The following PDCD1LG2 variants were observed in gnomAD, a reference collection of about 807,000 sequenced individuals.
PDCD1LG2 encodes the protein programmed cell death 1 ligand 2.
A neutral mutation model predicts 28.2 loss-of-function variants in PDCD1LG2; 32 were observed. The ratio of observed to expected loss-of-function variants is 1.13; its 90% CI spans 0.86 to 1.52. PDCD1LG2 has a LOEUF of 1.52. Ranked by LOEUF, PDCD1LG2 falls within the 40% of genes most tolerant of loss-of-function variation. PDCD1LG2 has a pLI of 0.00. For missense variants in PDCD1LG2, 385 were observed against 323.8 expected, an observed-to-expected ratio of 1.19 and a Z score of -1.45; for synonymous variants, 116 against 120.2, an observed-to-expected ratio of 0.97 and a Z score of 0.23.
chr9:5,569,482 T>G lies in PDCD1LG2; in HGVS notation c.817-472T>G, dbSNP rs1816730355. ...AGGAATAGATACCCCAACCTCTCTC[T>G]CAACCCACTGCAACACTCTTTTTCC... On this transcript the variant is annotated intron_variant, in intron 6 of 6. Coordinates refer to ENST00000397747, the MANE Select transcript of PDCD1LG2 (RefSeq NM_025239.4). This position sits in a 1 kb window ranked among gnomAD's most constrained non-coding sequence, Gnocchi z 4.1. Among the ~76,000 whole-genome samples the G allele has an allele frequency of 6.6e-6, 1 of 152,146 alleles. No individual in the cohort carries two copies. Among genetic ancestry groups the G allele is most frequent in the South Asian group, 2.1e-4 (1 of 4,822 alleles).
chr9:5,553,703 C>A (rs140416694), intron 4 of PDCD1LG2, among the ~76,000 whole-genome samples: 52 of 152,328 alleles, frequency 3.4e-4, no homozygotes, highest in African/African-American at 1.1e-3. Context: ...AAATAGTCAA[C>A]AACCATGGGA....
intron 1 of PDCD1LG2, among the ~76,000 whole-genome samples, chr9:5,516,529 C>G (rs1423868088): frequency 6.6e-6 from 1 of 152,234 alleles, no homozygotes; most frequent in African/African-American, 2.4e-5. Context: ...TTGGGTTTCA[C>G]CAGGGACCTA....
Position 5,556,160 on chromosome 9 carries a change from G to A in PDCD1LG2, c.632-1458G>A, listed in dbSNP as rs117194186. On this transcript the variant is annotated intron_variant, in intron 4 of 6. Coordinates refer to ENST00000397747, the MANE Select transcript of PDCD1LG2 (RefSeq NM_025239.4). ...GTTCAACTTTGGAGTCTTCAGGGAT[G>A]AGTAGGGCTTCTGTACGTGGAAGAG... 2.8e-4 allele frequency among the ~76,000 whole-genome samples: 43 copies of A among 152,276 alleles called. 1 individual carries two copies. In the East Asian group the frequency reaches 7.7e-3, roughly 27 times the overall value.
At chr9:5,511,004 T>C (rs1482585766) in intron 1 of PDCD1LG2, among the ~76,000 whole-genome samples, 3 of 152,238 alleles carry the variant, frequency 2.0e-5, no homozygotes, top group Admixed American at 2.0e-4. Context: ...CCTATGCATA[T>C]TGTTCTTGTT....
chr9:5,526,929 T>C (rs1424242932), intron 2 of PDCD1LG2, among the ~76,000 whole-genome samples: 2 of 152,130 alleles, frequency 1.3e-5, no homozygotes, highest in Non-Finnish European at 2.9e-5. Context: ...TAGACATTAT[T>C]TCCATTTTCT....
intron 6 of PDCD1LG2, among the ~76,000 whole-genome samples, chr9:5,563,731 A>C (rs1816612368): frequency 6.6e-6 from 1 of 152,192 alleles, no homozygotes; most frequent in South Asian, 2.1e-4. Flanking sequence ...ACTCAGGGGA[A>C]GCAGCACATG....
chr9:5,555,185 T>C (rs911950311), intron 4 of PDCD1LG2, among the ~76,000 whole-genome samples: 1 of 152,002 alleles, frequency 6.6e-6, no homozygotes, highest in Non-Finnish European at 1.5e-5. Context: ...GAGGCTGAGA[T>C]GGGTGGATTG....
chr9:5,514,524 C>T (rs921154918), intron 1 of PDCD1LG2, among the ~76,000 whole-genome samples: 4 of 152,072 alleles, frequency 2.6e-5, no homozygotes, highest in African/African-American at 9.7e-5. Flanking sequence ...TCCTTGATTT[C>T]TCTGGAAAGA....
chr9:5,563,031 G>A (rs913733250), intron 5 of PDCD1LG2, 131 bp from the exon 6 acceptor site: 37 of 743,914 alleles, frequency 5.0e-5, no homozygotes, highest in Non-Finnish European at 7.8e-5. Flanking sequence ...GAAGTCCCAG[G>A]CCACAGTGAA....
At chr9:5,526,379 C>T (rs1820379998) in intron 2 of PDCD1LG2, among the ~76,000 whole-genome samples, 1 of 152,290 alleles carries the variant, frequency 6.6e-6, no homozygotes, top group Non-Finnish European at 1.5e-5. Flanking sequence ...ATAAAACCTC[C>T]TTTGCAAATA....
Position 5,570,504 on chromosome 9 carries a change from G to A in PDCD1LG2, c.*545G>A, listed in dbSNP as rs1816750142. ...ATTACTGGAATCTTGATAGCATAAT[G>A]AAGTTGTTCTAATTAACAGAGAGCA... On this transcript the variant is annotated 3_prime_UTR_variant, in exon 7 of 7. Coordinates refer to ENST00000397747, the MANE Select transcript of PDCD1LG2 (RefSeq NM_025239.4). 1 of 233,470 alleles carries A rather than the reference G, an allele frequency of 4.3e-6. No homozygotes were observed. Among genetic ancestry groups the A allele is most frequent in the Non-Finnish European group, 8.5e-6 (1 of 118,322 alleles). The allele number at this position is 233,470 out of a possible 1,614,324, so 14.5% of individuals were successfully genotyped here.
chr9:5,526,236 T>C (rs1820377198), intron 2 of PDCD1LG2, among the ~76,000 whole-genome samples: 1 of 152,110 alleles, frequency 6.6e-6, no homozygotes, highest in African/African-American at 2.4e-5. Flanking sequence ...TGTTGTAAAA[T>C]ATATCACAGA....
intron 2 of PDCD1LG2, among the ~76,000 whole-genome samples, chr9:5,530,530 A>G (rs1294446676): frequency 6.6e-6 from 1 of 152,134 alleles, no homozygotes; most frequent in Non-Finnish European, 1.5e-5. Flanking sequence ...GTGGATATAT[A>G]GTCATAACTG....
intron 2 of PDCD1LG2, among the ~76,000 whole-genome samples, chr9:5,534,459 T>C (rs1233840317): frequency 6.6e-6 from 1 of 152,174 alleles, no homozygotes; most frequent in East Asian, 1.9e-4. Context: ...CAAGCAGTGC[T>C]GTCCACCAGA....
chr9:5,567,216 G>C (rs906877080), intron 6 of PDCD1LG2, among the ~76,000 whole-genome samples: 2 of 152,192 alleles, frequency 1.3e-5, no homozygotes, highest in Non-Finnish European at 2.9e-5. Flanking sequence ...ACCTACCAAT[G>C]TCTTAGTTGC....
rs1467340480 is a variant in PDCD1LG2 at position 5,569,456 on chromosome 9, G to T, written c.817-498G>T. ...CCCACAACTTGTCTGGGAGGTTGCTGAGGAATAGATACCCCAACCTCTCTC... is the reference window on the plus strand; with the variant it reads ...CCCACAACTTGTCTGGGAGGTTGCTTAGGAATAGATACCCCAACCTCTCTC... On this transcript the variant is annotated intron_variant, in intron 6 of 6. Coordinates refer to ENST00000397747, the MANE Select transcript of PDCD1LG2 (RefSeq NM_025239.4). This position sits in a 1 kb window ranked among gnomAD's most constrained non-coding sequence, Gnocchi z 4.1. 6.6e-6 allele frequency among the ~76,000 whole-genome samples: 1 copy of T among 152,112 alleles called. No homozygotes were observed. The highest frequency in any genetic ancestry group is 6.5e-5 in the Admixed American group (1 of 15,280).
intron 2 of PDCD1LG2, among the ~76,000 whole-genome samples, chr9:5,529,235 G>C (rs1290711706): frequency 6.6e-6 from 1 of 152,106 alleles, no homozygotes; most frequent in African/African-American, 2.4e-5. Flanking sequence ...CATAACCCAA[G>C]ATGTAAAAGA....
chr9:5,560,639 G>A (rs1816540456), intron 5 of PDCD1LG2, among the ~76,000 whole-genome samples: 1 of 152,144 alleles, frequency 6.6e-6, no homozygotes, highest in South Asian at 2.1e-4. Flanking sequence ...GTTGAGCCTG[G>A]GACGCCAGTC....
At chr9:5,512,697 C>T (rs897488891) in intron 1 of PDCD1LG2, among the ~76,000 whole-genome samples, 13 of 152,176 alleles carry the variant, frequency 8.5e-5, no homozygotes, top group African/African-American at 2.4e-4. Context: ...AAATTTTGTC[C>T]CAAACTCTGG....
Sources: allele counts gnomAD v4.1 joint callset (sites outside exome capture counted in the v4.1 genomes callset), GRCh38; gene constraint gnomAD v4.1.1; non-coding constraint Gnocchi (gnomAD v3.1); transcripts MANE v1.5; gene names NCBI Gene and HGNC (gene_info 2026-07-23, HGNC 2026-07-21).